The following CFHR4 variants were observed in gnomAD, a reference collection of about 807,000 sequenced individuals.
The protein encoded by CFHR4 is complement factor H-related protein 4.
Under a neutral mutation model 69.3 loss-of-function variants are expected in CFHR4, and 64 were observed. That is an observed-to-expected ratio of 0.92 (90% CI 0.76 to 1.14). The LOEUF is 1.14. Ranked by LOEUF, CFHR4 falls within the 50% of genes most tolerant of loss-of-function variation. The probability of loss-of-function intolerance (pLI) is 0.00; values close to 1 mark genes in which losing one functional copy is unlikely to be tolerated. For synonymous variants in CFHR4, 244 were observed against 237.0 expected, an observed-to-expected ratio of 1.03 and a Z score of -0.27; for missense variants, 636 against 684.9, an observed-to-expected ratio of 0.93 and a Z score of 0.80.
intron 9 of CFHR4, among the ~76,000 whole-genome samples, chr1:196,917,073 G>C (rs1478428336): frequency 6.6e-6 from 1 of 151,580 alleles, no homozygotes; most frequent in Non-Finnish European, 1.5e-5. Flanking sequence ...GTATTGAAGA[G>C]CTCTTAAAAT....
intron 4 of CFHR4, 127 bp from the exon 5 acceptor site, chr1:196,907,188 AG>A: frequency 2.5e-6 from 3 of 1,201,628 alleles, no homozygotes; most frequent in African/African-American, 1.6e-5. Flanking sequence ...TTAAAAAAAA[AG>A]GTTGAAAATA....
chr1:196,892,439 T>C lies in CFHR4; in HGVS notation c.58+4231T>C, dbSNP rs1046311318. Reference sequence around the variant, plus strand: ...GTGTTTGTTTGTTTCTTTGTTTTGATAGAAAAATTGAGTGAAAGGGAACAC... The same window carrying C: ...GTGTTTGTTTGTTTCTTTGTTTTGACAGAAAAATTGAGTGAAAGGGAACAC... On this transcript the variant is annotated intron_variant, in intron 1 of 9. Coordinates refer to ENST00000608469, the MANE Select transcript of CFHR4 (RefSeq NM_001201550.3). 3.8e-4 allele frequency among the ~76,000 whole-genome samples: 57 copies of C among 151,432 alleles called. 1 individual carries two copies. The highest frequency in any genetic ancestry group is 1.2e-3 in the African/African-American group (51 of 41,008).
At chr1:196,913,202 G>C (rs1190309158) in intron 7 of CFHR4, among the ~76,000 whole-genome samples, 1 of 151,474 alleles carries the variant, frequency 6.6e-6, no homozygotes, top group Non-Finnish European at 1.5e-5. Context: ...GAGAATAACA[G>C]CAAAATGTGT....
intron 1 of CFHR4, among the ~76,000 whole-genome samples, chr1:196,893,560 C>A (rs1156669329): frequency 6.6e-6 from 1 of 151,448 alleles, no homozygotes; most frequent in Non-Finnish European, 1.5e-5. Flanking sequence ...ATTTATTTTT[C>A]TTTTAATTTT....
In CFHR4 at chr1:196,889,299, T is replaced by C. The variant is rs1656895933; in HGVS notation, c.58+1091T>C. Among the ~76,000 whole-genome samples the C allele has an allele frequency of 1.3e-5, 2 of 151,030 alleles. 1 individual carries two copies. The highest frequency in any genetic ancestry group is 3.0e-5 in the Non-Finnish European group (2 of 67,744). Reference sequence around the variant, plus strand: ...AAATCAACCTTGATTTGTGCCAAAATGAAAAAAAAGGAATTTCTCTTGTTA... The same window carrying C: ...AAATCAACCTTGATTTGTGCCAAAACGAAAAAAAAGGAATTTCTCTTGTTA... On this transcript the variant is annotated intron_variant, in intron 1 of 9. Coordinates refer to ENST00000608469, the MANE Select transcript of CFHR4 (RefSeq NM_001201550.3).
In CFHR4 at chr1:196,905,046, T is replaced by C. The variant is rs114674349; in HGVS notation, c.257-62T>C. Reference sequence around the variant, plus strand: ...ACCATACTGCCATGTTTTTACTTGTTCCCTTCTATAAAAGAAGTATTCAAC... The same window carrying C: ...ACCATACTGCCATGTTTTTACTTGTCCCCTTCTATAAAAGAAGTATTCAAC... On this transcript the variant is annotated intron_variant, in intron 2 of 9. Transcript: ENST00000608469. 1.1e-3 allele frequency: 1,530 copies of C among 1,380,776 alleles called. 61 individuals carry two copies. In the African/African-American group the frequency reaches 0.021, roughly 19 times the overall value. 85.5% of individuals were successfully genotyped at this position (1,380,776 alleles called of 1,614,324 possible). A position where few individuals can be genotyped will look rare whatever the true frequency, so the allele number is the denominator to read the frequency against.
At chr1:196,897,082 G>A (rs1466729244) in intron 1 of CFHR4, among the ~76,000 whole-genome samples, 1 of 151,444 alleles carries the variant, frequency 6.6e-6, no homozygotes, top group East Asian at 1.9e-4. Flanking sequence ...TCTGAATTCC[G>A]ATGGAAGGGA....
In CFHR4 at chr1:196,910,370, C is replaced by A. The variant is rs1400015701; in HGVS notation, c.889C>A (p.Gln297Lys). Residue 297 changes from glutamine to lysine, a missense_variant, in exon 6 of 10, where the codon CAA becomes AAA. Transcript: ENST00000608469. The stretch of plus-strand genomic sequence containing the variant: ...ACCATACTTTCCAGTAGCTACAGGA[C>A]AATCTTACTCCTATTACTGTGACCA... ...RRPYFPVATG[Q>K]SYSYYCDQNF... 5.6e-6 allele frequency: 9 copies of A among 1,611,096 alleles called. No individual in the cohort carries two copies. Among genetic ancestry groups the A allele is most frequent in the Non-Finnish European group, 7.6e-6 (9 of 1,178,360 alleles).
At chr1:196,904,788 G>A (rs1025407342) in intron 2 of CFHR4, among the ~76,000 whole-genome samples, 1 of 151,534 alleles carries the variant, frequency 6.6e-6, no homozygotes, top group Non-Finnish European at 1.5e-5. Context: ...CACCAGAAAG[G>A]TTCAGGTTAT....
In CFHR4 at chr1:196,912,749, C is replaced by G. The variant is rs755740993; in HGVS notation, c.1007C>G (p.Ser336Ter). 1 of 1,588,932 alleles carries G rather than the reference C, an allele frequency of 6.3e-7. No homozygotes were observed. Among genetic ancestry groups the G allele is most frequent in the Non-Finnish European group, 8.6e-7 (1 of 1,168,568 alleles). ...LPTVPCLRTCSKSDIEIENGF... is the reference protein window; with the variant it reads ...LPTVPCLRTC ...ACTTTTTCTATTTTAGGAACATGCT[C>G]AAAATCAGATATAGAAATTGAAAAT... The change falls in exon 7 of 10, where the codon TCA (serine) becomes TGA (stop). Residue 336 changes from serine to a stop codon, truncating the protein, a stop_gained. Coordinates refer to ENST00000608469, the MANE Select transcript of CFHR4 (RefSeq NM_001201550.3). LOFTEE classifies it high-confidence loss of function.
intron 1 of CFHR4, among the ~76,000 whole-genome samples, chr1:196,895,436 G>A (rs1486220562): frequency 2.6e-5 from 4 of 151,302 alleles, no homozygotes; most frequent in Non-Finnish European, 4.4e-5. Flanking sequence ...GGTGTCCCAT[G>A]TTCCTTAGAT....
At chr1:196,889,341 A>C (rs976848610) in intron 1 of CFHR4, among the ~76,000 whole-genome samples, 3 of 151,626 alleles carry the variant, frequency 2.0e-5, no homozygotes, top group Non-Finnish European at 4.4e-5. Context: ...TTGTTAACTA[A>C]ACTGCTACAG....
At chr1:196,904,980 T>G in intron 2 of CFHR4, 128 bp from the exon 3 acceptor site, 1 of 909,340 alleles carries the variant, frequency 1.1e-6, no homozygotes, top group East Asian at 3.0e-5. Flanking sequence ...AAACTTCCAG[T>G]TTTGCTGTTT....
intron 8 of CFHR4, 139 bp from the exon 9 acceptor site, chr1:196,914,817 A>T: frequency 6.6e-7 from 1 of 1,507,174 alleles, no homozygotes; most frequent in Non-Finnish European, 8.8e-7. Context: ...ACTTAAAAAA[A>T]AAAAAAACAA....
In CFHR4 at chr1:196,907,615, C is replaced by A. The variant is rs114343795; in HGVS notation, c.799+117C>A. 5,117 of 799,078 alleles carry A rather than the reference C, an allele frequency of 6.4e-3. 259 individuals carry two copies. The African/African-American group carries it at 0.072, about 11-fold the overall frequency. 49.5% of individuals were successfully genotyped at this position (799,078 alleles called of 1,614,324 possible). A position where few individuals can be genotyped will look rare whatever the true frequency, so the allele number is the denominator to read the frequency against. The stretch of plus-strand genomic sequence containing the variant: ...AGAACTGTGTTCACAAACAGCTATT[C>A]TGCTGAATATTTGCCTTTCAGATCT... On this transcript the variant is annotated intron_variant, in intron 5 of 9. Transcript: ENST00000608469.
chr1:196,918,271 T>C lies in CFHR4; in HGVS notation c.1602T>C (p.Ser534=). The part of the protein sequence containing the change: ...NKNNIQLKGK[S]DIKYYAKTGD... ...ATAACATACAGTTAAAAGGAAAAAG[T>C]GACATAAAATATTATGCAAAAACAG... The change falls in exon 10 of 10, where the codon AGT becomes AGC. Residue 534 remains serine, a synonymous_variant. Coordinates refer to ENST00000608469, the MANE Select transcript of CFHR4 (RefSeq NM_001201550.3). 1.2e-6 allele frequency: 2 copies of C among 1,608,334 alleles called. No individual in the cohort carries two copies. Among genetic ancestry groups the C allele is most frequent in the South Asian group, 1.1e-5 (1 of 90,962 alleles).
At chr1:196,892,777 T>C (rs1657101331) in intron 1 of CFHR4, among the ~76,000 whole-genome samples, 1 of 151,542 alleles carries the variant, frequency 6.6e-6, no homozygotes. Context: ...ATTTATCTGT[T>C]AAGAACAGAT....
intron 7 of CFHR4, among the ~76,000 whole-genome samples, chr1:196,914,173 A>T (rs1658441333): frequency 6.6e-6 from 1 of 151,516 alleles, no homozygotes; most frequent in Admixed American, 6.6e-5. Context: ...CATCTTTAAA[A>T]TAATAGATTG....
At chr1:196,898,550 C>A (rs948083185) in intron 1 of CFHR4, among the ~76,000 whole-genome samples, 1 of 151,596 alleles carries the variant, frequency 6.6e-6, no homozygotes, top group Admixed American at 6.6e-5. Flanking sequence ...AGATATTTCT[C>A]TATTCTTCCA....
Sources: allele counts gnomAD v4.1 joint callset (sites outside exome capture counted in the v4.1 genomes callset), GRCh38; gene constraint gnomAD v4.1.1; transcripts MANE v1.5; gene names NCBI Gene and HGNC (gene_info 2026-07-23, HGNC 2026-07-21).